Variants in DCLK1 observed in about 807,000 individuals in gnomAD.
The protein encoded by DCLK1 is doublecortin like kinase 1.
Under a neutral mutation model 86.2 loss-of-function variants are expected in DCLK1, and 16 were observed. That is an observed-to-expected ratio of 0.19 (90% confidence interval 0.13 to 0.28). The LOEUF (loss-of-function observed/expected upper bound fraction) is 0.28. Among genes scored for constraint, DCLK1 ranks in the 10% least tolerant of loss-of-function variants. The probability of loss-of-function intolerance (pLI) is 1.00; values close to 1 mark genes in which losing one functional copy is unlikely to be tolerated. For missense variants in DCLK1, 590 were observed against 940.2 expected (o/e 0.63, Z 4.87); for synonymous variants, 369 against 370.5 (o/e 1.00, Z 0.05).
chr13:35,939,971 C>T (rs1184765573), intron 4 of DCLK1, among the ~76,000 whole-genome samples: 1 of 152,134 alleles, frequency 6.6e-6, no homozygotes, highest in African/African-American at 2.4e-5. Context: ...AAGTTCAGCA[C>T]CTAAGATCCC....
chr13:35,793,034 C>T (rs764526871), intron 16 of DCLK1, among the ~76,000 whole-genome samples: 125 of 152,272 alleles, frequency 8.2e-4, no homozygotes, highest in Admixed American at 1.6e-3. Flanking sequence ...CAAAAGGACA[C>T]TATGAACTCT....
rs560427406 is a variant in DCLK1 at position 35,768,934 on chromosome 13, C to A, written c.*5601G>T. 1.8e-4 allele frequency: 27 copies of A among 152,256 alleles called. No homozygotes were observed. The highest frequency in any genetic ancestry group is 6.0e-4 in the African/African-American group (25 of 41,550). 9.4% of individuals were successfully genotyped at this position (152,256 alleles called of 1,614,324 possible). A position where few individuals can be genotyped will look rare whatever the true frequency, so the allele number is the denominator to read the frequency against. On this transcript the variant is annotated 3_prime_UTR_variant, in exon 17 of 17. Transcript: ENST00000360631. Reference sequence around the variant, plus strand: ...AAGGTGAAATTTTACTCCAATATGGCAAATGAACTGAGGAGCGTACCCTTC... The same window carrying A: ...AAGGTGAAATTTTACTCCAATATGGAAAATGAACTGAGGAGCGTACCCTTC...
At chr13:36,100,179 C>A (rs1330852398) in intron 3 of DCLK1, among the ~76,000 whole-genome samples, 9 of 37,702 alleles carry the variant, frequency 2.4e-4, no homozygotes, top group East Asian at 1.6e-3. Context: ...CCTGTCTCTA[C>A]AAAAAAAAAA....
intron 4 of DCLK1, among the ~76,000 whole-genome samples, chr13:35,940,351 G>A (rs1316856044): frequency 6.6e-6 from 1 of 151,874 alleles, no homozygotes; most frequent in Non-Finnish European, 1.5e-5. Context: ...GTTACTGTCT[G>A]CAGGTACTTG....
chr13:35,996,083 C>G (rs1224880122), intron 3 of DCLK1, among the ~76,000 whole-genome samples: 1 of 152,100 alleles, frequency 6.6e-6, no homozygotes, highest in Non-Finnish European at 1.5e-5. Flanking sequence ...TGCCCACCAC[C>G]ACGCCCAGTT....
At chr13:35,973,982 A>T (rs1333799541) in intron 3 of DCLK1, among the ~76,000 whole-genome samples, 1 of 152,212 alleles carries the variant, frequency 6.6e-6, no homozygotes. Flanking sequence ...TGTAAGTTGA[A>T]TAAGTTTATG....
intron 11 of DCLK1, among the ~76,000 whole-genome samples, chr13:35,818,982 C>T (rs928195748): frequency 3.3e-5 from 5 of 151,986 alleles, no homozygotes; most frequent in South Asian, 4.1e-4. Flanking sequence ...GTGAGAACTC[C>T]GTCTAACAGG....
chr13:35,992,807 C>A (rs1406372725), intron 3 of DCLK1, among the ~76,000 whole-genome samples: 15 of 152,116 alleles, frequency 9.9e-5, no homozygotes, highest in Non-Finnish European at 1.6e-4. Flanking sequence ...CTCCTCTTTC[C>A]CCTGAAAATC....
At chr13:36,040,364 C>CT in intron 3 of DCLK1, among the ~76,000 whole-genome samples, 1 of 38,210 alleles carries the variant, frequency 2.6e-5, no homozygotes, top group Non-Finnish European at 5.0e-5. Flanking sequence ...GGTATTCCTC[C>CT]ATAGGAATAC....
chr13:36,094,453 A>C (rs1884934381), intron 3 of DCLK1, among the ~76,000 whole-genome samples: 1 of 152,222 alleles, frequency 6.6e-6, no homozygotes, highest in African/African-American at 2.4e-5. Context: ...AGGAGCTATC[A>C]GCTGTTGGTG....
intron 3 of DCLK1, among the ~76,000 whole-genome samples, chr13:35,989,048 T>C (rs1880082088): frequency 2.0e-5 from 3 of 151,944 alleles, no homozygotes; most frequent in Admixed American, 1.3e-4. Flanking sequence ...CAGCAAACAA[T>C]AAATAGAAAC....
rs374598513 is a variant in DCLK1 at position 35,774,739 on chromosome 13, G to A, written c.2059-40C>T. 9.3e-5 allele frequency: 148 copies of A among 1,584,000 alleles called. No homozygotes were observed. The African/African-American group carries it at 1.8e-3, about 19-fold the overall frequency. On this transcript the variant is annotated intron_variant, in intron 16 of 16. Coordinates refer to ENST00000360631, the MANE Select transcript of DCLK1 (RefSeq NM_001330071.2). ...AAATGAGAAAGAGGACAATTAGGGC[G>A]AGGGAAATGGCAAAACAAACTCTTT... is the stretch of plus-strand genomic sequence containing the variant.
chr13:36,090,778 A>G (rs1884790258), intron 3 of DCLK1, among the ~76,000 whole-genome samples: 1 of 152,084 alleles, frequency 6.6e-6, no homozygotes, highest in South Asian at 2.1e-4. Context: ...AGGTCAGTGA[A>G]AGCTCAGAGA....
intron 3 of DCLK1, among the ~76,000 whole-genome samples, chr13:35,955,261 C>T (rs1750674324): frequency 6.6e-6 from 1 of 151,954 alleles, no homozygotes; most frequent in East Asian, 1.9e-4. Context: ...TCCATTCAGG[C>T]TGCTATAACA....
intron 16 of DCLK1, among the ~76,000 whole-genome samples, chr13:35,789,910 T>G (rs1462862533): frequency 6.6e-6 from 1 of 151,718 alleles, no homozygotes; most frequent in Admixed American, 6.6e-5. Flanking sequence ...ATCCCCCAAC[T>G]ACTGAGAAAG....
intron 3 of DCLK1, among the ~76,000 whole-genome samples, chr13:35,985,484 T>C (rs1021885868): frequency 6.6e-6 from 1 of 152,076 alleles, no homozygotes; most frequent in Non-Finnish European, 1.5e-5. Context: ...GGCTAAGATA[T>C]AAATATTAGG....
At chr13:35,947,847 T>G (rs1457867260) in intron 3 of DCLK1, among the ~76,000 whole-genome samples, 1 of 152,248 alleles carries the variant, frequency 6.6e-6, no homozygotes, top group African/African-American at 2.4e-5. Context: ...TAGTAATTGA[T>G]GCTGTCATAT....
chr13:35,998,013 C>T (rs761207116), intron 3 of DCLK1, among the ~76,000 whole-genome samples: 1 of 152,148 alleles, frequency 6.6e-6, no homozygotes, highest in Non-Finnish European at 1.5e-5. Context: ...CATCATCACT[C>T]GATCAATTCT....
At chr13:35,826,523 CAAAAAAAAAAAAA>C (rs533243711) in intron 10 of DCLK1, among the ~76,000 whole-genome samples, 6 of 19,816 alleles carry the variant, frequency 3.0e-4, no homozygotes, top group African/African-American at 7.5e-4. Context: ...AACTCCATCT[CAAAAAAAAAAAAA>C]AAAAAAGAAA....
Sources: allele counts gnomAD v4.1 joint callset (sites outside exome capture counted in the v4.1 genomes callset), GRCh38; gene constraint gnomAD v4.1.1; transcripts MANE v1.5; gene names NCBI Gene and HGNC (gene_info 2026-07-23, HGNC 2026-07-21).